The following XPNPEP1 variants were observed in gnomAD, a reference collection of about 807,000 sequenced individuals.
The protein encoded by XPNPEP1 is xaa-Pro aminopeptidase 1.
In XPNPEP1, 39 loss-of-function variants were observed where a neutral mutation model predicts 92.4. The observed-to-expected ratio is 0.42, with a 90% confidence interval of 0.33 to 0.55. The LOEUF is 0.55. Among genes scored for constraint, XPNPEP1 ranks in the 20% least tolerant of loss-of-function variants. The probability of loss-of-function intolerance (pLI) is 0.08; values close to 1 mark genes in which losing one functional copy is unlikely to be tolerated. For synonymous variants in XPNPEP1, 307 were observed against 299.4 expected (o/e 1.03, Z -0.26); for missense variants, 654 against 856.1 (o/e 0.76, Z 2.95).
chr10:109,872,312 G>T (rs1461660660), intron 16 of XPNPEP1, among the ~76,000 whole-genome samples: 2 of 152,234 alleles, frequency 1.3e-5, no homozygotes, highest in Non-Finnish European at 2.9e-5. Context: ...AGATCACACA[G>T]TGCCTAAGTG....
At chr10:109,910,091 T>C (rs1849781565) in intron 2 of XPNPEP1, among the ~76,000 whole-genome samples, 1 of 152,260 alleles carries the variant, frequency 6.6e-6, no homozygotes, top group Non-Finnish European at 1.5e-5. Flanking sequence ...CTGAAAATTC[T>C]ATATGCACAT....
intron 1 of XPNPEP1, among the ~76,000 whole-genome samples, chr10:109,923,037 A>G (rs983054519): frequency 6.6e-6 from 1 of 151,906 alleles, no homozygotes; most frequent in African/African-American, 2.4e-5. Context: ...AGGCTCGCCC[A>G]CCTCCCCGGA....
intron 3 of XPNPEP1, among the ~76,000 whole-genome samples, chr10:109,899,531 T>C (rs1241828363): frequency 2.0e-5 from 3 of 152,240 alleles, no homozygotes; most frequent in Admixed American, 1.3e-4. Flanking sequence ...AACTTCGAGA[T>C]GTGTTACCAC....
intron 1 of XPNPEP1, among the ~76,000 whole-genome samples, chr10:109,915,940 C>A (rs1850161842): frequency 6.6e-6 from 1 of 152,154 alleles, no homozygotes; most frequent in South Asian, 2.1e-4. Flanking sequence ...ATTGAAAAAT[C>A]TTCCATAATC....
At chr10:109,909,266 G>A (rs1423148118) in intron 2 of XPNPEP1, among the ~76,000 whole-genome samples, 1 of 150,484 alleles carries the variant, frequency 6.6e-6, no homozygotes, top group Admixed American at 6.6e-5. Flanking sequence ...GTGAGACTCT[G>A]TCTCAAAAAA....
At chr10:109,908,370 C>T (rs1475841695) in intron 2 of XPNPEP1, among the ~76,000 whole-genome samples, 1 of 152,132 alleles carries the variant, frequency 6.6e-6, no homozygotes, top group Non-Finnish European at 1.5e-5. Context: ...TTTGGGAGGC[C>T]AAAGCAGGCA....
chr10:109,870,827 C>T lies in XPNPEP1; in HGVS notation c.1600G>A (p.Val534Ile). 2 of 1,614,164 alleles carry T rather than the reference C, an allele frequency of 1.2e-6. No homozygotes were observed. The highest frequency in any genetic ancestry group is 8.5e-7 in the Non-Finnish European group (1 of 1,180,038). Residue 534 changes from valine to isoleucine, a missense_variant, in exon 18 of 21, where the codon GTT (valine) becomes ATT (isoleucine). Transcript: ENST00000502935. The stretch of plus-strand genomic sequence containing the variant: ...TCATGGACATTCAAAAAAGACCCAA[C>T]ACCATGTCCAGTCCCGTGCAAGTAA... ...LDYLHGTGHG[V>I]GSFLNVHEGP... is the part of the protein sequence containing the mutation.
At chr10:109,877,893 G>A (rs746458683) in intron 13 of XPNPEP1, 26 bp from the exon 14 acceptor site, 1 of 1,614,230 alleles carries the variant, frequency 6.2e-7, no homozygotes, top group Non-Finnish European at 8.5e-7. Flanking sequence ...AGAAAGCAGA[G>A]TGGCTTAAAG....
At chr10:109,872,805 G>C (rs1847561614) in intron 16 of XPNPEP1, among the ~76,000 whole-genome samples, 1 of 152,162 alleles carries the variant, frequency 6.6e-6, no homozygotes, top group African/African-American at 2.4e-5. Flanking sequence ...TCATTTTTAT[G>C]GATGGTGACT....
intron 12 of XPNPEP1, among the ~76,000 whole-genome samples, chr10:109,879,784 T>C (rs961875235): frequency 6.6e-6 from 1 of 152,000 alleles, no homozygotes; most frequent in Non-Finnish European, 1.5e-5. Context: ...AAGAAATTAA[T>C]GGCCAAGAGT....
chr10:109,895,375 G>A (rs1043908779), intron 3 of XPNPEP1, among the ~76,000 whole-genome samples: 1 of 152,238 alleles, frequency 6.6e-6, no homozygotes, highest in East Asian at 1.9e-4. Context: ...TGGAAGATCC[G>A]CAGGGTTTAC....
chr10:109,870,129 G>A, intron 18 of XPNPEP1, 100 bp from the exon 19 acceptor site: 1 of 1,307,094 alleles, frequency 7.7e-7, no homozygotes, highest in Non-Finnish European at 1.1e-6. Flanking sequence ...CTCCAAAGGA[G>A]AAGAAACGGG....
chr10:109,873,259 A>T, intron 16 of XPNPEP1, 108 bp downstream of exon 16: 2 of 1,308,748 alleles, frequency 1.5e-6, no homozygotes, highest in Non-Finnish European at 2.2e-6. Flanking sequence ...GAGCAATTTT[A>T]CTACCCCACA....
chr10:109,912,168 T>A (rs1345270532), intron 2 of XPNPEP1, among the ~76,000 whole-genome samples: 1 of 152,138 alleles, frequency 6.6e-6, no homozygotes, highest in Non-Finnish European at 1.5e-5. Context: ...TCAGTCTCAC[T>A]GACACTCCCC....
At chr10:109,918,234 C>T (rs547376956) in intron 1 of XPNPEP1, among the ~76,000 whole-genome samples, 8 of 151,610 alleles carry the variant, frequency 5.3e-5, no homozygotes, top group African/African-American at 1.7e-4. Flanking sequence ...CTAGCTTGGG[C>T]AACATGGCAA....
At chr10:109,907,893 G>A (rs930160064) in intron 2 of XPNPEP1, 78 bp from the exon 3 acceptor site, 38 of 1,582,010 alleles carry the variant, frequency 2.4e-5, no homozygotes, top group Non-Finnish European at 3.0e-5. Flanking sequence ...GGGCCACAGA[G>A]AGAAGTGCCT....
At chr10:109,916,367 G>C (rs1589638251) in intron 1 of XPNPEP1, among the ~76,000 whole-genome samples, 1 of 152,310 alleles carries the variant, frequency 6.6e-6, no homozygotes, top group East Asian at 1.9e-4. Context: ...CAGTGTGATT[G>C]TATCAGGGGA....
chr10:109,907,645 G>A, intron 3 of XPNPEP1, 46 bp downstream of exon 3: 1 of 1,612,628 alleles, frequency 6.2e-7, no homozygotes, highest in Non-Finnish European at 8.5e-7. Context: ...TTAGGGCTGG[G>A]GAAAAAAGAC....
At chr10:109,916,551 C>T (rs868621843) in intron 1 of XPNPEP1, among the ~76,000 whole-genome samples, 28 of 152,236 alleles carry the variant, frequency 1.8e-4, no homozygotes, top group African/African-American at 6.5e-4. Flanking sequence ...GTCTACCACA[C>T]GGTAAGAACC....
Sources: gnomAD v4.1 joint callset for allele counts (sites outside exome capture counted in the v4.1 genomes callset) on GRCh38, gnomAD v4.1.1 for gene constraint, MANE v1.5 for transcripts, NCBI Gene and HGNC (gene_info 2026-07-23, HGNC 2026-07-21) for gene names.